Variants in AGBL2 observed in about 807,000 individuals in gnomAD.
AGBL2 encodes the protein cytosolic carboxypeptidase 2.
Under a neutral mutation model 103.0 loss-of-function variants are expected in AGBL2, and 87 were observed. The ratio of observed to expected loss-of-function variants is 0.84; its 90% CI spans 0.71 to 1.01. The LOEUF (loss-of-function observed/expected upper bound fraction) is 1.01, where lower values mean the gene tolerates loss of function less well. Ranked by LOEUF, AGBL2 falls within the 50% of genes least tolerant of loss-of-function variation. AGBL2 has a pLI of 0.00. For synonymous variants in AGBL2, 335 were observed against 356.7 expected, an observed-to-expected ratio of 0.94 and a Z score of 0.69; for missense variants, 904 against 1,023.5, an observed-to-expected ratio of 0.88 and a Z score of 1.59.
chr11:47,664,759 T>C (rs1441831692), intron 17 of AGBL2, among the ~76,000 whole-genome samples: 1 of 152,086 alleles, frequency 6.6e-6, no homozygotes, highest in Non-Finnish European at 1.5e-5. Flanking sequence ...GATCTTGCTA[T>C]GTTGCTCAGG....
At chr11:47,706,373 C>G (rs910913025) in intron 4 of AGBL2, among the ~76,000 whole-genome samples, 1 of 151,892 alleles carries the variant, frequency 6.6e-6, no homozygotes, top group South Asian at 2.1e-4. Flanking sequence ...AAGATTAGCC[C>G]GGCGTGGTGG....
At chr11:47,696,037 G>T (rs113931631) in intron 8 of AGBL2, among the ~76,000 whole-genome samples, 1 of 88,956 alleles carries the variant, frequency 1.1e-5, no homozygotes, top group Non-Finnish European at 2.0e-5. Context: ...AAAAAAAAAA[G>T]AAAAAAAAAA....
intron 3 of AGBL2, 126 bp from the exon 4 acceptor site, chr11:47,710,637 C>T: frequency 1.8e-6 from 2 of 1,099,384 alleles, no homozygotes; most frequent in Non-Finnish European, 2.7e-6. Context: ...AATGAATACA[C>T]TGCATTTTTC....
intron 13 of AGBL2, 24 bp downstream of exon 13, chr11:47,679,949 C>G: frequency 6.8e-7 from 1 of 1,481,318 alleles, no homozygotes; most frequent in Non-Finnish European, 9.4e-7. Context: ...GCCTTCATCA[C>G]ATTTCTTGAA....
intron 2 of AGBL2, 115 bp downstream of exon 2, chr11:47,714,503 G>T: frequency 1.5e-6 from 2 of 1,373,820 alleles, no homozygotes; most frequent in Non-Finnish European, 2.1e-6. Context: ...ATCTCCAGCT[G>T]AGAAAAGATG....
At position 47,690,420 on chromosome 11, in the gene AGBL2, T is replaced by C; in HGVS notation, c.1287A>G (p.Leu429=). 6.2e-7 allele frequency: 1 copy of C among 1,614,170 alleles called. No homozygotes were observed. Among genetic ancestry groups the C allele is most frequent in the Non-Finnish European group, 8.5e-7 (1 of 1,180,020 alleles). ...FCKLQTLCRS[L]AGNTVYLLTI... The stretch of plus-strand genomic sequence containing the variant: ...TGAGCAAGTAAACGGTATTTCCTGC[T>C]AGGCTCCTGCATAAAGTTTGGAGCT... The change falls in exon 10 of 19, where the codon CTA becomes CTG. Residue 429 remains leucine, a synonymous_variant. Transcript: ENST00000525123.
intron 4 of AGBL2, among the ~76,000 whole-genome samples, chr11:47,709,388 G>T (rs1403965291): frequency 3.4e-5 from 5 of 147,474 alleles, no homozygotes; most frequent in Admixed American, 6.8e-5. Context: ...AGCAGGGGGG[G>T]TTGTAGAGAA....
intron 10 of AGBL2, among the ~76,000 whole-genome samples, chr11:47,687,843 T>G (rs569598182): frequency 1.7e-4 from 26 of 149,306 alleles, no homozygotes; most frequent in Middle Eastern, 3.5e-3. Flanking sequence ...AGTCTCACTC[T>G]GTCACCTAGG....
chr11:47,669,226 C>T (rs907789734), intron 14 of AGBL2, among the ~76,000 whole-genome samples: 1 of 152,122 alleles, frequency 6.6e-6, no homozygotes, highest in Admixed American at 6.6e-5. Context: ...TGCCGCCATG[C>T]CTGGCTAATT....
chr11:47,690,944 A>G, intron 9 of AGBL2, 86 bp from the exon 10 acceptor site: 1 of 1,080,224 alleles, frequency 9.3e-7, no homozygotes, highest in Non-Finnish European at 1.3e-6. Flanking sequence ...CTCCTGGTAA[A>G]AACAGGTCTT....
intron 12 of AGBL2, among the ~76,000 whole-genome samples, chr11:47,680,611 T>C (rs1027066461): frequency 4.6e-5 from 7 of 152,084 alleles, no homozygotes; most frequent in Admixed American, 1.3e-4. Context: ...AGACCTTGTC[T>C]CTACAAAAAA....
chr11:47,698,355 A>C (rs2097484967), intron 8 of AGBL2, among the ~76,000 whole-genome samples: 1 of 151,368 alleles, frequency 6.6e-6, no homozygotes, highest in African/African-American at 2.4e-5. Context: ...TATTTTCAGT[A>C]GAGATAGGGT....
At chr11:47,672,595 G>T (rs537195938) in intron 14 of AGBL2, among the ~76,000 whole-genome samples, 3 of 152,128 alleles carry the variant, frequency 2.0e-5, no homozygotes, top group Non-Finnish European at 4.4e-5. Flanking sequence ...GACTACAGGC[G>T]TGAGCCACTG....
At chr11:47,714,208 G>T in intron 3 of AGBL2, 76 bp downstream of exon 3, 1 of 1,089,468 alleles carries the variant, frequency 9.2e-7, no homozygotes, top group Non-Finnish European at 1.4e-6. Context: ...CTACCCAAGT[G>T]CAACCCTCCC....
In AGBL2 at chr11:47,685,824, C is replaced by T. The variant is rs564710745; in HGVS notation, c.1788+69G>A. ...GAGATACAAAATGCCAAATAAAACA[C>T]TACATATAGGAAGCAGTGAGTTCCC... On this transcript the variant is annotated intron_variant, in intron 11 of 18. Transcript: ENST00000525123. 4.1e-6 allele frequency: 6 copies of T among 1,458,726 alleles called. No homozygotes were observed. In the South Asian group the frequency reaches 7.4e-5, roughly 18 times the overall value. The allele number at this position is 1,458,726 out of a possible 1,614,324, so 90.4% of individuals were successfully genotyped here. A position where few individuals can be genotyped will look rare whatever the true frequency, so the allele number is the denominator to read the frequency against.
chr11:47,678,984 G>A (rs188284598), intron 13 of AGBL2, among the ~76,000 whole-genome samples: 22 of 142,654 alleles, frequency 1.5e-4, no homozygotes, highest in African/African-American at 5.6e-4. Flanking sequence ...GCATGATCCT[G>A]GGAGGTGGAG....
chr11:47,703,279 T>C (rs1332787015), intron 7 of AGBL2, among the ~76,000 whole-genome samples: 1 of 152,054 alleles, frequency 6.6e-6, no homozygotes, highest in Non-Finnish European at 1.5e-5. Flanking sequence ...TAAGATGCTA[T>C]GCCCTCTCTC....
intron 16 of AGBL2, 33 bp from the exon 17 acceptor site, chr11:47,667,096 T>C (rs754144611): frequency 7.0e-6 from 10 of 1,431,706 alleles, no homozygotes; most frequent in Admixed American, 6.4e-5. Context: ...TCTTTTTCAA[T>C]TGATCTATTC....
intron 14 of AGBL2, among the ~76,000 whole-genome samples, chr11:47,672,142 G>T (rs928110992): frequency 6.6e-6 from 1 of 152,054 alleles, no homozygotes; most frequent in African/African-American, 2.4e-5. Context: ...ATAGAAATGG[G>T]ATCTCACTAT....
Sources: gnomAD v4.1 joint callset for allele counts (sites outside exome capture counted in the v4.1 genomes callset) on GRCh38, gnomAD v4.1.1 for gene constraint, MANE v1.5 for transcripts, NCBI Gene and HGNC (gene_info 2026-07-23, HGNC 2026-07-21) for gene names.